CLYBL: variants seen among roughly 807,000 people sequenced by gnomAD.
The protein encoded by CLYBL is citramalyl-CoA lyase.
A neutral mutation model predicts 38.9 loss-of-function variants in CLYBL; 31 were observed. The observed-to-expected ratio is 0.80, with a 90% CI of 0.60 to 1.08. The LOEUF is 1.08. Ranked by LOEUF, CLYBL falls within the 50% of genes least tolerant of loss-of-function variation. The pLI, the probability that CLYBL is intolerant of heterozygous loss-of-function variation, is 0.00. For missense variants in CLYBL, 434 were observed against 411.6 expected (o/e 1.05, Z -0.47); for synonymous variants, 171 against 158.6 (o/e 1.08, Z -0.59).
At chr13:99,621,286 C>G (rs1040592691) in intron 1 of CLYBL, among the ~76,000 whole-genome samples, 14 of 152,254 alleles carry the variant, frequency 9.2e-5, no homozygotes, top group African/African-American at 3.4e-4. Flanking sequence ...CACCTATCCT[C>G]CATCTTTCCA....
chr13:99,876,830 A>G (rs1187090983), intron 7 of CLYBL, among the ~76,000 whole-genome samples: 2 of 152,176 alleles, frequency 1.3e-5, no homozygotes, highest in Non-Finnish European at 2.9e-5. Flanking sequence ...TCATGACCAA[A>G]ACGAGATAGA....
intron 1 of CLYBL, among the ~76,000 whole-genome samples, chr13:99,711,072 G>A (rs2048223671): frequency 6.6e-6 from 1 of 151,798 alleles, no homozygotes; most frequent in South Asian, 2.1e-4. Flanking sequence ...ACTTTTAGTA[G>A]AGAGGGGTTT....
chr13:99,890,787 G>A (rs916250651), intron 7 of CLYBL, among the ~76,000 whole-genome samples: 8 of 152,044 alleles, frequency 5.3e-5, no homozygotes, highest in Non-Finnish European at 8.8e-5. Flanking sequence ...CACTCTAATC[G>A]TCTTCTGTAT....
In CLYBL at chr13:99,891,374, G is replaced by C. The variant is rs1399250969; in HGVS notation, c.984G>C (p.Gln328His). Residue 328 changes from glutamine to histidine, a missense_variant, in exon 8 of 9, where the codon CAG becomes CAC. Transcript: ENST00000339105. ...ACATGCCATTACTGAAGCAGGCCCA[G>C]AACACTGTTACGCTTGCCACCTCCA... ...MIDMPLLKQA[Q>H]NTVTLATSIK... 6.2e-7 allele frequency: 1 copy of C among 1,613,826 alleles called. No individual in the cohort carries two copies. Among genetic ancestry groups the C allele is most frequent in the Non-Finnish European group, 8.5e-7 (1 of 1,179,864 alleles).
At chr13:99,670,401 C>T (rs2047548064) in intron 1 of CLYBL, among the ~76,000 whole-genome samples, 1 of 152,160 alleles carries the variant, frequency 6.6e-6, no homozygotes, top group Non-Finnish European at 1.5e-5. Context: ...AGAAGTTCTT[C>T]ACCATCCAAG....
At chr13:99,737,512 T>C (rs1481212734) in intron 1 of CLYBL, among the ~76,000 whole-genome samples, 1 of 152,228 alleles carries the variant, frequency 6.6e-6, no homozygotes, top group African/African-American at 2.4e-5. Flanking sequence ...GCCCATGCTC[T>C]TCACTGTTAG....
At chr13:99,876,069 CTTT>C (rs10625169) in intron 7 of CLYBL, among the ~76,000 whole-genome samples, 8 of 106,668 alleles carry the variant, frequency 7.5e-5, no homozygotes, top group Non-Finnish European at 1.2e-4. Flanking sequence ...TTCTATTTCA[CTTT>C]TTTTTTTTTT....
intron 8 of CLYBL, among the ~76,000 whole-genome samples, chr13:99,904,783 G>A (rs1330193214): frequency 2.6e-5 from 4 of 152,238 alleles, no homozygotes; most frequent in African/African-American, 9.6e-5. Context: ...AAGACGTCAA[G>A]TAACAGCTCA....
intron 7 of CLYBL, among the ~76,000 whole-genome samples, chr13:99,890,296 T>C (rs1398364200): frequency 1.3e-5 from 2 of 152,180 alleles, no homozygotes; most frequent in Non-Finnish European, 2.9e-5. Context: ...GAGCCTCAGT[T>C]TCCTCATCTA....
At chr13:99,822,286 A>G (rs2050602958) in intron 2 of CLYBL, among the ~76,000 whole-genome samples, 1 of 152,256 alleles carries the variant, frequency 6.6e-6, no homozygotes, top group Non-Finnish European at 1.5e-5. Flanking sequence ...TAGGCATACC[A>G]TCAAGTCCAA....
chr13:99,818,190 T>G (rs1483483526), intron 2 of CLYBL, among the ~76,000 whole-genome samples: 1 of 152,144 alleles, frequency 6.6e-6, no homozygotes, highest in African/African-American at 2.4e-5. Context: ...ACCCATTTCC[T>G]CTTCCTCCTG....
Position 99,715,512 on chromosome 13 carries a change from C to T in CLYBL, c.63-57312C>T, listed in dbSNP as rs867997034. Among the ~76,000 whole-genome samples, 5 of 151,344 alleles carry T rather than the reference C, an allele frequency of 3.3e-5. No individual in the cohort carries two copies. The East Asian group carries it at 9.7e-4, about 29-fold the overall frequency. The stretch of plus-strand genomic sequence containing the variant: ...GGACCTCTAGGGCTCAGGTGATCCT[C>T]CTGCCTTAGCCTCCCAAGTAGCTGG... On this transcript the variant is annotated intron_variant, in intron 1 of 8. Coordinates refer to ENST00000339105, the MANE Select transcript of CLYBL (RefSeq NM_206808.5).
chr13:99,811,994 T>A (rs1404838104), intron 2 of CLYBL, among the ~76,000 whole-genome samples: 1 of 152,210 alleles, frequency 6.6e-6, no homozygotes, highest in African/African-American at 2.4e-5. Context: ...CAATCCTGTA[T>A]CCACTATTCC....
chr13:99,748,463 G>A (rs866560349), intron 1 of CLYBL, among the ~76,000 whole-genome samples: 136 of 101,556 alleles, frequency 1.3e-3, no homozygotes, highest in African/African-American at 5.3e-3. Flanking sequence ...TTTTTGAGAT[G>A]GAGTCTCACT....
chr13:99,877,523 T>TTTTA (rs1471855651), intron 7 of CLYBL: 2 of 353,162 alleles, frequency 5.7e-6, no homozygotes, highest in Non-Finnish European at 1.1e-5. Context: ...CAGAGCATTC[T>TTTTA]TTTATTTATT....
intron 1 of CLYBL, among the ~76,000 whole-genome samples, chr13:99,732,420 C>T (rs61974418): frequency 0.027 from 4,117 of 152,190 alleles, 73 homozygotes; most frequent in Middle Eastern, 0.12. Flanking sequence ...TCTCAAACTC[C>T]TAGGCTCAGG....
intron 1 of CLYBL, among the ~76,000 whole-genome samples, chr13:99,636,464 G>A (rs2047019501): frequency 6.6e-6 from 1 of 152,126 alleles, no homozygotes; most frequent in East Asian, 1.9e-4. Flanking sequence ...GGGCTGGGCA[G>A]GGCCTCCAGT....
intron 2 of CLYBL, among the ~76,000 whole-genome samples, chr13:99,818,065 T>C (rs942130106): frequency 1.4e-5 from 2 of 146,430 alleles, no homozygotes; most frequent in African/African-American, 5.1e-5. Flanking sequence ...ACGGAAGAAG[T>C]GAGGGAAGGA....
chr13:99,789,862 C>T (rs2049878973), intron 2 of CLYBL, among the ~76,000 whole-genome samples: 1 of 151,882 alleles, frequency 6.6e-6, no homozygotes, highest in African/African-American at 2.4e-5. Flanking sequence ...TAAGGACTTG[C>T]TTTATGAATC....
Sources: gnomAD v4.1 joint callset for allele counts (sites outside exome capture counted in the v4.1 genomes callset) on GRCh38, gnomAD v4.1.1 for gene constraint, MANE v1.5 for transcripts, NCBI Gene and HGNC (gene_info 2026-07-23, HGNC 2026-07-21) for gene names.